ALG9: variants seen among roughly 807,000 people sequenced by gnomAD.
ALG9 encodes ALG9 alpha-1,2-mannosyltransferase, also known as alpha-1,2-mannosyltransferase ALG9.
ALG9 carries 55 observed loss-of-function variants against 81.8 expected under a neutral mutation model. That is an observed-to-expected ratio of 0.67 (90% CI 0.54 to 0.84). The LOEUF (loss-of-function observed/expected upper bound fraction) is 0.84, where lower values mean the gene tolerates loss of function less well. Among genes scored for constraint, ALG9 ranks in the 40% least tolerant of loss-of-function variants. The pLI, the probability that ALG9 is intolerant of heterozygous loss-of-function variation, is 0.00. For missense variants in ALG9, 629 were observed against 745.0 expected (o/e 0.84, Z 1.81); for synonymous variants, 278 against 274.3 (o/e 1.01, Z -0.13).
chr11:111,867,330 A>C (rs1962821546), intron 3 of ALG9, among the ~76,000 whole-genome samples: 1 of 152,244 alleles, frequency 6.6e-6, no homozygotes, highest in African/African-American at 2.4e-5. Context: ...TCTTGTAGAA[A>C]TCTCAAACTG....
the ALG9 span, among the ~76,000 whole-genome samples, chr11:111,776,195 T>A: frequency 2.1e-4 from 32 of 151,480 alleles, no homozygotes; most frequent in African/African-American, 3.9e-4. Context: ...AAAAAATAAA[T>A]AAAAATAAAA....
rs1946137141 is a variant in ALG9 at position 111,783,467 on chromosome 11, A to T, written c.*2930T>A. 1 of 152,052 alleles carries T rather than the reference A, an allele frequency of 6.6e-6. No homozygotes were observed. The highest frequency in any genetic ancestry group is 2.1e-4 in the South Asian group (1 of 4,812). 9.4% of individuals were successfully genotyped at this position (152,052 alleles called of 1,614,324 possible). A position where few individuals can be genotyped will look rare whatever the true frequency, so the allele number is the denominator to read the frequency against. On this transcript the variant is annotated 3_prime_UTR_variant, in exon 15 of 15. Transcript: ENST00000616540. ...AGCAAGACTCTGTCTCGGGGAAAAA[A>T]AATAATAATCTGTAGTCCCACATCC...
intron 14 of ALG9, among the ~76,000 whole-genome samples, chr11:111,807,982 A>G (rs915768926): frequency 6.6e-6 from 1 of 152,134 alleles, no homozygotes. Flanking sequence ...AGGTGGGAGG[A>G]CTGCTTGAGC....
intron 9 of ALG9, among the ~76,000 whole-genome samples, chr11:111,843,415 G>C (rs1040830751): frequency 3.9e-5 from 6 of 152,146 alleles, no homozygotes; most frequent in African/African-American, 1.4e-4. Context: ...ATGATATTAA[G>C]AAATTACTGA....
intron 8 of ALG9, among the ~76,000 whole-genome samples, chr11:111,849,057 CT>C (rs555592218): frequency 4.4e-4 from 58 of 131,238 alleles, no homozygotes; most frequent in Non-Finnish European, 3.1e-4. Context: ...TTCTTTCTTT[CT>C]TTTTTTTTTT....
Position 111,857,707 on chromosome 11 carries a change from G to A in ALG9, c.596C>T (p.Thr199Ile). 1.2e-6 allele frequency: 2 copies of A among 1,614,160 alleles called. No individual in the cohort carries two copies. The highest frequency in any genetic ancestry group is 1.7e-5 in the Admixed American group (1 of 60,032). Reference sequence around the variant, plus strand: ...CCATCCAGTCATGGCTATCAACGTAGTGTACATACAGAAGCTACTAGGAAG... The same window carrying A: ...CCATCCAGTCATGGCTATCAACGTAATGTACATACAGAAGCTACTAGGAAG... Reference protein sequence around the residue: ...AFLPSSFCMYTTLIAMTGWYM... With the variant: ...AFLPSSFCMYITLIAMTGWYM... Residue 199 changes from threonine to isoleucine, a missense_variant, in exon 6 of 15, where the codon ACT (threonine) becomes ATT (isoleucine). By Grantham distance (89) the Thr-to-Ile change is moderately conservative. Around this residue, in one of 3 missense-constraint regions of ALG9, gnomAD observed 344 missense variants for 390.5 expected, o/e 0.88. Transcript: ENST00000616540.
intron 13 of ALG9, among the ~76,000 whole-genome samples, chr11:111,828,076 G>C (rs1322476846): frequency 6.6e-6 from 1 of 151,852 alleles, no homozygotes; most frequent in Non-Finnish European, 1.5e-5. Flanking sequence ...TGTAACCCCA[G>C]CTAGCCACTC....
the ALG9 span, among the ~76,000 whole-genome samples, chr11:111,776,657 T>A: frequency 6.6e-6 from 1 of 152,246 alleles, no homozygotes; most frequent in East Asian, 1.9e-4. Context: ...CTAAAACCAG[T>A]ACAGTCCCAC....
the ALG9 span, among the ~76,000 whole-genome samples, chr11:111,770,444 C>A: frequency 6.6e-6 from 1 of 152,108 alleles, no homozygotes; most frequent in Non-Finnish European, 1.5e-5. Context: ...ATAAGCAATT[C>A]TGAATCTATA....
intron 8 of ALG9, among the ~76,000 whole-genome samples, chr11:111,849,203 A>G (rs1957381384): frequency 1.3e-5 from 2 of 152,068 alleles, no homozygotes; most frequent in Admixed American, 6.5e-5. Context: ...GGCATGCACC[A>G]CCACGCCCAG....
Position 111,786,077 on chromosome 11 carries a change from G to T in ALG9, c.*320C>A, listed in dbSNP as rs1185637911. The T allele has an allele frequency of 2.2e-6, 1 of 464,686 alleles. No individual in the cohort carries two copies. The highest frequency in any genetic ancestry group is 2.0e-5 in the African/African-American group (1 of 50,402). 28.8% of individuals were successfully genotyped at this position (464,686 alleles called of 1,614,324 possible). On this transcript the variant is annotated 3_prime_UTR_variant, in exon 15 of 15. Coordinates refer to ENST00000616540, the MANE Select transcript of ALG9 (RefSeq NM_024740.2). ...GATTTTCAATTCTTCCTGTAAGTTG[G>T]TTCTGCTCTTCTCCGGTCTAGTAAA... is the stretch of plus-strand genomic sequence containing the variant.
At chr11:111,789,505 G>C (rs1947045907) in intron 14 of ALG9, among the ~76,000 whole-genome samples, 1 of 151,566 alleles carries the variant, frequency 6.6e-6, no homozygotes. Flanking sequence ...CTCCCAAAGT[G>C]TCAGGATTAC....
chr11:111,852,692 T>C (rs1261561110), intron 8 of ALG9, among the ~76,000 whole-genome samples: 3 of 152,066 alleles, frequency 2.0e-5, no homozygotes, highest in African/African-American at 7.2e-5. Context: ...TCCCAGCACT[T>C]TGGGAGGCCA....
intron 14 of ALG9, chr11:111,798,208 G>A: frequency 6.3e-6 from 2 of 315,856 alleles, no homozygotes; most frequent in South Asian, 2.6e-5. Flanking sequence ...GTCTTAAAAA[G>A]AAAAAAATAG....
At chr11:111,805,338 G>C (rs1305618900) in intron 14 of ALG9, 2 of 455,818 alleles carry the variant, frequency 4.4e-6, no homozygotes, top group Non-Finnish European at 8.8e-6. Flanking sequence ...AACGTTTGTT[G>C]TTTAAGCCAC....
At chr11:111,781,250 G>A (rs1162218580), downstream of ALG9, among the ~76,000 whole-genome samples, 1 of 152,168 alleles carries the variant, frequency 6.6e-6, no homozygotes, top group African/African-American at 2.4e-5. Flanking sequence ...ATGGCTGCTA[G>A]AAGTTATAGG....
chr11:111,816,925 G>C (rs1951571212), intron 13 of ALG9, among the ~76,000 whole-genome samples: 1 of 152,154 alleles, frequency 6.6e-6, no homozygotes, highest in Non-Finnish European at 1.5e-5. Flanking sequence ...AATGCAGAAA[G>C]TGTTATTAAA....
At chr11:111,851,188 G>A (rs1957752146) in intron 8 of ALG9, among the ~76,000 whole-genome samples, 1 of 151,920 alleles carries the variant, frequency 6.6e-6, no homozygotes, top group African/African-American at 2.4e-5. Context: ...CTATATTTAA[G>A]AGCTTCATCC....
At chr11:111,792,821 ACCT>A (rs1300158400) in intron 14 of ALG9, among the ~76,000 whole-genome samples, 2 of 151,896 alleles carry the variant, frequency 1.3e-5, no homozygotes, top group Admixed American at 6.6e-5. Flanking sequence ...TAGAAGACAA[ACCT>A]CCTTTTCTCC....
Sources: allele counts gnomAD v4.1 joint callset (sites outside exome capture counted in the v4.1 genomes callset), GRCh38; gene constraint gnomAD v4.1.1; regional missense constraint gnomAD v4.1.1; transcripts MANE v1.5; gene names NCBI Gene and HGNC (gene_info 2026-07-23, HGNC 2026-07-21).